The following AOPEP variants were observed in gnomAD, a reference collection of about 807,000 sequenced individuals.
AOPEP encodes the protein aminopeptidase O.
A neutral mutation model predicts 98.1 loss-of-function variants in AOPEP; 77 were observed. The observed-to-expected ratio is 0.78, with a 90% CI of 0.65 to 0.95. The LOEUF is 0.95. AOPEP is among the 40% of genes least tolerant of loss of function. The pLI is 0.00. For missense variants in AOPEP, 1,024 were observed against 1,024.7 expected (o/e 1.00, Z 0.01); for synonymous variants, 346 against 365.3 (o/e 0.95, Z 0.60).
At chr9:94,948,952 T>C (rs2137774417) in intron 7 of AOPEP, among the ~76,000 whole-genome samples, 1 of 152,314 alleles carries the variant, frequency 6.6e-6, no homozygotes, top group East Asian at 1.9e-4. Context: ...CAGCTCTCTT[T>C]ATGTAGCGTG....
intron 5 of AOPEP, among the ~76,000 whole-genome samples, chr9:94,835,800 T>A (rs916057569): frequency 5.3e-5 from 8 of 152,258 alleles, no homozygotes; most frequent in Admixed American, 5.2e-4. Context: ...AAGGTATTTC[T>A]TTATTATGGC....
At chr9:94,856,539 G>A (rs1477574242) in intron 5 of AOPEP, among the ~76,000 whole-genome samples, 1 of 151,874 alleles carries the variant, frequency 6.6e-6, no homozygotes, top group African/African-American at 2.4e-5. Flanking sequence ...TACTTTGAAG[G>A]CTGAGGCAGG....
chr9:94,739,990 A>AGAAACAAGCTGCTTTTGAAAG (rs1396668420), intron 1 of AOPEP, among the ~76,000 whole-genome samples: 1 of 152,238 alleles, frequency 6.6e-6, no homozygotes, highest in Non-Finnish European at 1.5e-5. Context: ...TGACAGACAC[A>AGAAACAAGCTGCTTTTGAAAG]GAAACAAGCT....
At chr9:94,752,453 C>A (rs2132257624) in intron 1 of AOPEP, among the ~76,000 whole-genome samples, 1 of 152,038 alleles carries the variant, frequency 6.6e-6, no homozygotes, top group East Asian at 1.9e-4. Context: ...TAACAAAATT[C>A]TTTCTTATCA....
At chr9:95,111,549 C>T in the AOPEP span, 6 of 1,614,040 alleles carry the variant, frequency 3.7e-6, no homozygotes, top group South Asian at 1.1e-5. Context: ...GGTTCGGCTG[C>T]CGACATCAGT....
intron 13 of AOPEP, among the ~76,000 whole-genome samples, chr9:95,006,901 ATTTT>A (rs559290637): frequency 1.3e-4 from 17 of 128,736 alleles, no homozygotes; most frequent in Non-Finnish European, 8.5e-5. Flanking sequence ...GTTGCTGTTA[ATTTT>A]TTTTTTTTTT....
Position 94,800,912 on chromosome 9 carries a change from C to G in AOPEP, c.1274C>G (p.Ser425Ter). 1 of 1,614,172 alleles carries G rather than the reference C, an allele frequency of 6.2e-7. No homozygotes were observed. Among genetic ancestry groups the G allele is most frequent in the Non-Finnish European group, 8.5e-7 (1 of 1,180,028 alleles). The change falls in exon 5 of 17, where the codon TCA (serine) becomes TGA (stop). Residue 425 changes from serine (S) to a stop codon, truncating the protein, a stop_gained. Coordinates refer to ENST00000375315, the MANE Select transcript of AOPEP (RefSeq NM_001193329.3). LOFTEE classifies it high-confidence loss of function. ...CTGCGGCTGATCCCTCCTTGCCTCT[C>G]AGCAGCACATTCTGTTCTGGGAGCA... Reference protein sequence around the residue: ...TLLRLIPPCLSAAHSVLGAHP... With the variant: ...TLLRLIPPCL
At chr9:94,744,174 C>T (rs905338915) in intron 1 of AOPEP, among the ~76,000 whole-genome samples, 8 of 151,890 alleles carry the variant, frequency 5.3e-5, no homozygotes, top group Admixed American at 2.0e-4. Context: ...GGGCGGATCA[C>T]GAGGTCAGGA....
At chr9:95,141,911 T>C in the AOPEP span, among the ~76,000 whole-genome samples, 1 of 151,112 alleles carries the variant, frequency 6.6e-6, no homozygotes, top group African/African-American at 2.4e-5. Context: ...AAAAACCTAA[T>C]ACTACACATT....
chr9:95,107,245 G>A, the AOPEP span: 2 of 1,613,920 alleles, frequency 1.2e-6, no homozygotes, highest in Non-Finnish European at 8.5e-7. Context: ...GCCAGGAGGT[G>A]GCCCAGCACG....
intron 9 of AOPEP, among the ~76,000 whole-genome samples, chr9:94,959,510 A>G (rs979543128): frequency 9.2e-5 from 14 of 152,210 alleles, no homozygotes; most frequent in African/African-American, 3.1e-4. Context: ...CTGGACTCCC[A>G]ATTTGATTCC....
chr9:94,900,595 G>A (rs998028888), intron 5 of AOPEP: 1 of 152,124 alleles, frequency 6.6e-6, no homozygotes, highest in Non-Finnish European at 1.5e-5. Flanking sequence ...TCTGACATTA[G>A]GAAAGTGTTT....
At chr9:94,923,310 C>T (rs998673956) in intron 5 of AOPEP, among the ~76,000 whole-genome samples, 1 of 152,144 alleles carries the variant, frequency 6.6e-6, no homozygotes, top group African/African-American at 2.4e-5. Context: ...ATTTGCACAC[C>T]TGGGTGGGAT....
intron 5 of AOPEP, among the ~76,000 whole-genome samples, chr9:94,808,090 T>C (rs2133904544): frequency 6.6e-6 from 1 of 151,732 alleles, no homozygotes; most frequent in East Asian, 1.9e-4. Context: ...TTGCCCAGGC[T>C]GGAGTGCAGT....
In AOPEP at chr9:94,968,093, T is replaced by C. The variant is rs2059319050; in HGVS notation, c.1916+292T>C. 5.3e-5 allele frequency among the ~76,000 whole-genome samples: 8 copies of C among 152,066 alleles called. 1 individual carries two copies. In the South Asian group the frequency reaches 1.7e-3, roughly 32 times the overall value. The stretch of plus-strand genomic sequence containing the variant: ...GTGGCCTTTGCTGCTGCGGAAAGAA[T>C]GGAAGAGAGGAAGGTTAGAAAACTC... On this transcript the variant is annotated intron_variant, in intron 10 of 16. Transcript: ENST00000375315.
chr9:94,967,624 T>G (rs2059286766), intron 9 of AOPEP, 134 bp from the exon 10 acceptor site: 2 of 680,098 alleles, frequency 2.9e-6, no homozygotes, highest in Non-Finnish European at 5.3e-6. Flanking sequence ...GTCTATAGTC[T>G]TTTAAGTCAG....
At chr9:95,125,124 G>A in the AOPEP span, 5 of 1,614,178 alleles carry the variant, frequency 3.1e-6, no homozygotes, top group Middle Eastern at 1.6e-4. Flanking sequence ...ACAAAGCACT[G>A]CGTAAACACC....
At chr9:94,940,539 C>T (rs1212201832) in intron 7 of AOPEP, among the ~76,000 whole-genome samples, 2 of 151,974 alleles carry the variant, frequency 1.3e-5, no homozygotes, top group Non-Finnish European at 2.9e-5. Context: ...GAGGCAGAGG[C>T]TGAAGTGAGC....
At chr9:94,923,457 C>T (rs1245810458) in intron 5 of AOPEP, among the ~76,000 whole-genome samples, 2 of 152,192 alleles carry the variant, frequency 1.3e-5, no homozygotes, top group African/African-American at 4.8e-5. Flanking sequence ...CAGCCATCCC[C>T]GGCACCTGCT....
Sources: allele counts gnomAD v4.1 joint callset (sites outside exome capture counted in the v4.1 genomes callset), GRCh38; gene constraint gnomAD v4.1.1; transcripts MANE v1.5; gene names NCBI Gene and HGNC (gene_info 2026-07-23, HGNC 2026-07-21).